Variants in SESN1 observed in about 807,000 individuals in gnomAD.
The protein encoded by SESN1 is sestrin 1.
In SESN1, 30 loss-of-function variants were observed where a neutral mutation model predicts 59.3. The ratio of observed to expected loss-of-function variants is 0.51; its 90% CI spans 0.38 to 0.69. The LOEUF (loss-of-function observed/expected upper bound fraction) is 0.69. Ranked by LOEUF, SESN1 falls within the 30% of genes least tolerant of loss-of-function variation. SESN1 has a pLI of 0.00. For synonymous variants in SESN1, 197 were observed against 219.9 expected (o/e 0.90, Z 0.92); for missense variants, 566 against 673.0 (o/e 0.84, Z 1.76).
chr6:108,994,444 T>C lies in SESN1; in HGVS notation c.1120+18A>G, dbSNP rs1779459328. Reference sequence around the variant, plus strand: ...GAGTTTGCAATAATTATATTGACTATATAATGGTTGTTCTTACCTGAAGAG... The same window carrying C: ...GAGTTTGCAATAATTATATTGACTACATAATGGTTGTTCTTACCTGAAGAG... On this transcript the variant is annotated intron_variant, in intron 6 of 9. Coordinates refer to ENST00000436639, the MANE Select transcript of SESN1 (RefSeq NM_014454.3). The C allele has an allele frequency of 2.5e-6, 4 of 1,599,632 alleles. No homozygotes were observed. Among genetic ancestry groups the C allele is most frequent in the Non-Finnish European group, 3.4e-6 (4 of 1,171,254 alleles).
At chr6:108,999,364 T>C (rs938023101) in intron 4 of SESN1, among the ~76,000 whole-genome samples, 1 of 152,204 alleles carries the variant, frequency 6.6e-6, no homozygotes, top group Admixed American at 6.5e-5. Context: ...ATTCAAATCT[T>C]GTATCTTCTT....
intron 1 of SESN1, among the ~76,000 whole-genome samples, chr6:109,040,713 C>T (rs1259202248): frequency 2.7e-5 from 4 of 149,922 alleles, no homozygotes; most frequent in Non-Finnish European, 5.9e-5. Flanking sequence ...AGTGCAGTGG[C>T]GCAATCTCAT....
At chr6:109,038,452 G>A (rs1277540377) in intron 1 of SESN1, among the ~76,000 whole-genome samples, 5 of 152,252 alleles carry the variant, frequency 3.3e-5, no homozygotes, top group African/African-American at 1.2e-4. Context: ...AGCTGAGATC[G>A]TGCCACTGCA....
intron 1 of SESN1, among the ~76,000 whole-genome samples, chr6:109,073,248 G>A (rs1048762560): frequency 6.6e-6 from 1 of 152,182 alleles, no homozygotes; most frequent in Non-Finnish European, 1.5e-5. Context: ...TAAGCTCTAC[G>A]AGGGTAGTGA....
chr6:109,015,042 C>T (rs955704196), intron 1 of SESN1, among the ~76,000 whole-genome samples: 2 of 152,076 alleles, frequency 1.3e-5, no homozygotes, highest in Non-Finnish European at 2.9e-5. Context: ...AATTATGTAT[C>T]GAATGAACTC....
Position 109,094,037 on chromosome 6 carries a change from G to A in SESN1, c.37C>T (p.Leu13Phe), listed in dbSNP as rs1402377273. ...EGENEVRWDG[L>F]CSRDSTTRET... ...CTAGTAGTTGAATCTCTGCTGCAGAGTCCATCCCATCTCACTTCATTCTCT... is the reference window on the plus strand; with the variant it reads ...CTAGTAGTTGAATCTCTGCTGCAGAATCCATCCCATCTCACTTCATTCTCT... The change falls in exon 1 of 10, where the codon CTC (leucine) becomes TTC (phenylalanine). Residue 13 changes from leucine to phenylalanine, a missense_variant. Physicochemically the swap from Leu to Phe is conservative, Grantham distance 22. Transcript: ENST00000436639. 1 of 1,614,040 alleles carries A rather than the reference G, an allele frequency of 6.2e-7. No homozygotes were observed. The highest frequency in any genetic ancestry group is 1.1e-5 in the South Asian group (1 of 91,080).
intron 1 of SESN1, among the ~76,000 whole-genome samples, chr6:109,039,545 T>C (rs546513387): frequency 3.2e-4 from 49 of 152,350 alleles, no homozygotes; most frequent in African/African-American, 1.1e-3. Context: ...TACTGAGTAC[T>C]GCCAGCAAGC....
chr6:108,994,593 A>G lies in SESN1; in HGVS notation c.989T>C (p.Phe330Ser). 1 of 1,612,238 alleles carries G rather than the reference A, an allele frequency of 6.2e-7. No homozygotes were observed. The highest frequency in any genetic ancestry group is 8.5e-7 in the Non-Finnish European group (1 of 1,179,066). Residue 330 changes from phenylalanine to serine, a missense_variant, in exon 6 of 10, where the codon TTT becomes TCT. Phe to Ser is a radical substitution (Grantham distance 155). Transcript: ENST00000436639. ...AENVSVSDSF[F>S]EVEALMEKMR... Reference sequence around the variant, plus strand: ...CTTTTCCATGAGGGCTTCAACCTCAAAGAAAGAATCACTTACCTGAAGAAA... The same window carrying G: ...CTTTTCCATGAGGGCTTCAACCTCAGAGAAAGAATCACTTACCTGAAGAAA...
At position 109,093,917 on chromosome 6, in the gene SESN1, GC is replaced by G; in HGVS notation, c.156del (p.Leu53PhefsTer10). 6.2e-7 allele frequency: 1 copy of G among 1,614,216 alleles called. No homozygotes were observed. The highest frequency in any genetic ancestry group is 8.5e-7 in the Non-Finnish European group (1 of 1,180,044). On this transcript the variant is annotated frameshift_variant, in exon 1 of 10. Coordinates refer to ENST00000436639, the MANE Select transcript of SESN1 (RefSeq NM_014454.3). LOFTEE classifies it high-confidence loss of function. ...CCATCCGAAGACTCGGTATTTGAAA[GC>G]CCGTCTGATGGACGATGAGGTGTTT... ...VKETPHRPSDGLSNTESSDGL... is the reference protein window; with the variant it reads ...VKETPHRPSDXLSNTESSDGL...
At chr6:109,008,762 G>A (rs1232495980) in intron 1 of SESN1, 2 of 984,228 alleles carry the variant, frequency 2.0e-6, no homozygotes, top group Non-Finnish European at 2.4e-6. Context: ...CTTTCTAAAG[G>A]ACAATTCAGA....
At chr6:109,091,979 T>C (rs1387005817) in intron 1 of SESN1, among the ~76,000 whole-genome samples, 1 of 152,210 alleles carries the variant, frequency 6.6e-6, no homozygotes, top group Non-Finnish European at 1.5e-5. Flanking sequence ...ATAGCCTTCC[T>C]ATGGGAGACA....
At chr6:109,038,596 G>C (rs1562465676) in intron 1 of SESN1, among the ~76,000 whole-genome samples, 1 of 152,222 alleles carries the variant, frequency 6.6e-6, no homozygotes, top group African/African-American at 2.4e-5. Context: ...CAAGACCAAA[G>C]GGAATACAAC....
At chr6:109,026,566 G>C (rs1328699733) in intron 1 of SESN1, among the ~76,000 whole-genome samples, 2 of 151,874 alleles carry the variant, frequency 1.3e-5, no homozygotes, top group African/African-American at 2.4e-5. Context: ...GCGCAATCTC[G>C]GCTCACTGCA....
chr6:109,014,006 C>CTTT lies in SESN1; in HGVS notation c.280-11666_280-11664dup, dbSNP rs201087997. ...AACTGATCCTCTTATTTGCTCTATA[C>CTTT]TTTTTTTTTTTTTCAGTTCTTCAAT... On this transcript the variant is annotated intron_variant, in intron 1 of 9. Transcript: ENST00000436639. Among the ~76,000 whole-genome samples, 20 of 143,542 alleles carry CTTT rather than the reference C, an allele frequency of 1.4e-4. 1 individual carries two copies. The South Asian group carries it at 4.5e-3, about 32-fold the overall frequency. The allele number at this position is 143,542 out of a possible 152,430, so 94.2% of individuals were successfully genotyped here.
At chr6:109,014,199 T>G (rs192077846) in intron 1 of SESN1, among the ~76,000 whole-genome samples, 4 of 152,256 alleles carry the variant, frequency 2.6e-5, no homozygotes, top group African/African-American at 7.2e-5. Context: ...TTCCAAGAAG[T>G]GTCAGTGGTT....
chr6:109,084,085 C>T (rs1444937923), intron 1 of SESN1, among the ~76,000 whole-genome samples: 1 of 151,992 alleles, frequency 6.6e-6, no homozygotes, highest in Admixed American at 6.6e-5. Context: ...TTTTTCAAGG[C>T]ATATATATTT....
intron 5 of SESN1, among the ~76,000 whole-genome samples, chr6:108,995,231 T>G (rs1007540474): frequency 6.6e-6 from 1 of 152,218 alleles, no homozygotes; most frequent in Non-Finnish European, 1.5e-5. Flanking sequence ...AAAGCAGAAC[T>G]GCGTAAGATA....
chr6:109,009,578 A>G (rs1038609356), intron 1 of SESN1: 2 of 1,091,724 alleles, frequency 1.8e-6, no homozygotes, highest in South Asian at 4.5e-5. Context: ...CGGCGCCGAC[A>G]AACAAGCCGC....
chr6:109,045,350 A>G (rs990781628), intron 1 of SESN1, among the ~76,000 whole-genome samples: 5 of 152,188 alleles, frequency 3.3e-5, no homozygotes, highest in Non-Finnish European at 7.3e-5. Flanking sequence ...CTTCTAGCCT[A>G]TTCTCTACAC....
Sources: gnomAD v4.1 joint callset for allele counts (sites outside exome capture counted in the v4.1 genomes callset) on GRCh38, gnomAD v4.1.1 for gene constraint, MANE v1.5 for transcripts, NCBI Gene and HGNC (gene_info 2026-07-23, HGNC 2026-07-21) for gene names.